NDEL1: variants seen among roughly 807,000 people sequenced by gnomAD.
NDEL1 encodes the protein nuclear distribution protein nudE-like 1.
Under a neutral mutation model 45.7 loss-of-function variants are expected in NDEL1, and 9 were observed. The ratio of observed to expected loss-of-function variants is 0.20; its 90% CI spans 0.12 to 0.34. NDEL1 has a LOEUF of 0.34. Ranked by LOEUF, NDEL1 falls within the 10% of genes least tolerant of loss-of-function variation. The pLI is 1.00. For synonymous variants in NDEL1, 133 were observed against 158.6 expected (o/e 0.84, Z 1.21); for missense variants, 306 against 406.2 (o/e 0.75, Z 2.12).
intron 6 of NDEL1, among the ~76,000 whole-genome samples, chr17:8,453,988 A>G (rs1489410332): frequency 6.6e-6 from 1 of 152,206 alleles, no homozygotes; most frequent in Non-Finnish European, 1.5e-5. Flanking sequence ...TCCCTAAATG[A>G]TACTAGGACA....
intron 4 of NDEL1, among the ~76,000 whole-genome samples, chr17:8,447,499 C>T (rs1910159257): frequency 6.6e-6 from 1 of 152,178 alleles, no homozygotes; most frequent in South Asian, 2.1e-4. Context: ...CCCATCTTCC[C>T]TCTGTGCTCT....
downstream of NDEL1, among the ~76,000 whole-genome samples, chr17:8,471,690 A>G (rs1009496352): frequency 6.6e-6 from 1 of 152,206 alleles, no homozygotes; most frequent in African/African-American, 2.4e-5. Context: ...AATGCCTTTG[A>G]AAAGCAGTAG....
chr17:8,413,722 A>G (rs932986548), intron 1 of NDEL1, among the ~76,000 whole-genome samples: 2 of 152,288 alleles, frequency 1.3e-5, no homozygotes, highest in East Asian at 1.9e-4. Context: ...CTCATGGGCC[A>G]TTTGCTTCCC....
rs533774524 is a variant in NDEL1, at chr17:8,437,831, T to C, written c.-13+1786T>C. ...GCTGTTTTAAACTCAAATGAGTTGA[T>C]TGTTGCTAGATTTCTGAAGGTCATA... is the stretch of plus-strand genomic sequence containing the variant. On this transcript the variant is annotated intron_variant, in intron 1 of 8. Coordinates refer to ENST00000334527, the MANE Select transcript of NDEL1 (RefSeq NM_030808.5). 5.9e-5 allele frequency among the ~76,000 whole-genome samples: 9 copies of C among 152,176 alleles called. No individual in the cohort carries two copies. The South Asian group carries it at 1.9e-3, about 32-fold the overall frequency.
chr17:8,428,468 A>G (rs1325558124), intron 1 of NDEL1, among the ~76,000 whole-genome samples: 2 of 147,218 alleles, frequency 1.4e-5, no homozygotes, highest in African/African-American at 5.1e-5. Flanking sequence ...AGGTTCAAGC[A>G]ATTCTCCTGC....
At chr17:8,464,709 G>C (rs1402142125) in intron 8 of NDEL1, 1 of 152,448 alleles carries the variant, frequency 6.6e-6, no homozygotes, top group East Asian at 1.9e-4. Flanking sequence ...TGCTTCTGAG[G>C]GCTGCTAGGT....
intron 8 of NDEL1, chr17:8,466,240 G>A (rs905874584): frequency 1.3e-5 from 2 of 152,088 alleles, no homozygotes; most frequent in South Asian, 2.1e-4. Context: ...GAAAAGTAAC[G>A]ATTCTTAAAT....
At chr17:8,424,307 T>C (rs889177412) in intron 1 of NDEL1, among the ~76,000 whole-genome samples, 3 of 152,248 alleles carry the variant, frequency 2.0e-5, no homozygotes, top group African/African-American at 7.2e-5. Flanking sequence ...TATTATATTG[T>C]GTAGCTATTA....
chr17:8,449,164 G>C (rs1019799007), intron 5 of NDEL1, among the ~76,000 whole-genome samples: 2 of 152,320 alleles, frequency 1.3e-5, no homozygotes, highest in African/African-American at 4.8e-5. Flanking sequence ...TGTATTTTTA[G>C]TAGAGACGGG....
chr17:8,448,267 G>C (rs1406008541), intron 4 of NDEL1, among the ~76,000 whole-genome samples: 2 of 152,292 alleles, frequency 1.3e-5, no homozygotes, highest in Admixed American at 6.5e-5. Flanking sequence ...TGATTGTATT[G>C]TGTTCAAAAC....
chr17:8,462,667 T>C (rs954480201), intron 8 of NDEL1: 9 of 152,230 alleles, frequency 5.9e-5, no homozygotes, highest in Non-Finnish European at 1.0e-4. Context: ...GTGCCCCATT[T>C]GAAAAAGCCC....
At chr17:8,450,267 C>T (rs1348740903) in intron 5 of NDEL1, among the ~76,000 whole-genome samples, 4 of 145,086 alleles carry the variant, frequency 2.8e-5, no homozygotes, top group Non-Finnish European at 1.5e-5. Context: ...CTAGCCTGGG[C>T]GACAGAGTGA....
chr17:8,414,223 A>G (rs531984922), intron 1 of NDEL1, among the ~76,000 whole-genome samples: 1 of 152,020 alleles, frequency 6.6e-6, no homozygotes, highest in South Asian at 2.1e-4. Flanking sequence ...ATTTATTTCT[A>G]TAATAATAAA....
intron 1 of NDEL1, among the ~76,000 whole-genome samples, chr17:8,419,150 T>C (rs1462587080): frequency 1.3e-5 from 2 of 152,184 alleles, no homozygotes; most frequent in Admixed American, 1.3e-4. Flanking sequence ...ACACCTGGCC[T>C]GATCCCTTAT....
chr17:8,428,191 T>A (rs368363561), intron 1 of NDEL1, among the ~76,000 whole-genome samples: 2 of 152,218 alleles, frequency 1.3e-5, no homozygotes, highest in East Asian at 3.9e-4. Flanking sequence ...GGGTGCTTTT[T>A]AAAGTTGTGG....
chr17:8,471,400 C>T (rs752008976), downstream of NDEL1, among the ~76,000 whole-genome samples: 5 of 152,218 alleles, frequency 3.3e-5, no homozygotes, highest in Admixed American at 6.5e-5. Flanking sequence ...ATCACAGCTG[C>T]GCCTACTGAC....
intron 1 of NDEL1, among the ~76,000 whole-genome samples, chr17:8,437,260 G>A (rs1362448820): frequency 6.6e-6 from 1 of 152,186 alleles, no homozygotes; most frequent in Non-Finnish European, 1.5e-5. Context: ...AAATTAGAGT[G>A]CGTGAGAAAC....
chr17:8,441,478 AT>A (rs1909731662), intron 1 of NDEL1, among the ~76,000 whole-genome samples: 1 of 152,282 alleles, frequency 6.6e-6, no homozygotes, highest in African/African-American at 2.4e-5. Context: ...TATGGAACTT[AT>A]CCCAGTTGCT....
chr17:8,454,925 A>T (rs1910736121), intron 7 of NDEL1, 38 bp downstream of exon 7: 1 of 1,490,184 alleles, frequency 6.7e-7, no homozygotes, highest in South Asian at 1.1e-5. Context: ...GTTTCCACTG[A>T]CAAGGTATTG....
Sources: allele counts gnomAD v4.1 joint callset (sites outside exome capture counted in the v4.1 genomes callset), GRCh38; gene constraint gnomAD v4.1.1; transcripts MANE v1.5; gene names NCBI Gene and HGNC (gene_info 2026-07-23, HGNC 2026-07-21).